Variants in AP3S1 observed in about 807,000 individuals in gnomAD.
AP3S1 encodes the protein adaptor related protein complex 3 subunit sigma 1.
AP3S1 carries 12 observed loss-of-function variants against 21.3 expected under a neutral mutation model. The ratio of observed to expected loss-of-function variants is 0.56; its 90% CI spans 0.36 to 0.91. The LOEUF is 0.91. AP3S1 is among the 40% of genes least tolerant of loss of function. The pLI is 0.01. For synonymous variants in AP3S1, 48 were observed against 78.4 expected, an observed-to-expected ratio of 0.61 and a Z score of 2.05; for missense variants, 116 against 225.0, an observed-to-expected ratio of 0.52 and a Z score of 3.10.
At chr5:115,844,602 T>C (rs1326899094) in intron 1 of AP3S1, among the ~76,000 whole-genome samples, 1 of 152,194 alleles carries the variant, frequency 6.6e-6, no homozygotes, top group Non-Finnish European at 1.5e-5. Context: ...AGGAGCAGAC[T>C]GTGTAAGGGA....
intron 3 of AP3S1, among the ~76,000 whole-genome samples, chr5:115,885,933 G>GT (rs1308237026): frequency 1.3e-5 from 2 of 152,134 alleles, no homozygotes; most frequent in South Asian, 2.1e-4. Context: ...TGTGGGTGCT[G>GT]TAAGTATGGA....
intron 3 of AP3S1, among the ~76,000 whole-genome samples, chr5:115,871,220 C>G (rs1452959357): frequency 6.6e-6 from 1 of 152,224 alleles, no homozygotes; most frequent in African/African-American, 2.4e-5. Context: ...CAAAGACAGT[C>G]AATGCCTCTG....
chr5:115,908,101 A>G (rs571131087), intron 5 of AP3S1, among the ~76,000 whole-genome samples: 23 of 152,264 alleles, frequency 1.5e-4, no homozygotes, highest in African/African-American at 5.3e-4. Context: ...GTAGCAACAT[A>G]CAGGTGGCTT....
intron 3 of AP3S1, among the ~76,000 whole-genome samples, chr5:115,884,371 C>G (rs979959995): frequency 1.3e-5 from 2 of 152,236 alleles, no homozygotes; most frequent in Non-Finnish European, 2.9e-5. Flanking sequence ...TGAGACCAGC[C>G]TGGCCAACAT....
In AP3S1 at chr5:115,842,126, T is replaced by A. The variant is rs935726762; in HGVS notation, c.69+20T>A. The A allele has an allele frequency of 9.4e-6, 14 of 1,489,756 alleles. No individual in the cohort carries two copies. The highest frequency in any genetic ancestry group is 1.3e-5 in the Non-Finnish European group (14 of 1,116,076). 92.3% of individuals were successfully genotyped at this position (1,489,756 alleles called of 1,614,324 possible). A position where few individuals can be genotyped will look rare whatever the true frequency, so the allele number is the denominator to read the frequency against. ...CCCTACGTGAGTATCCAGCCGCCGC[T>A]GATCCGGGCGAGGGGGAGTCGTTGG... On this transcript the variant is annotated intron_variant, in intron 1 of 5. Coordinates refer to ENST00000316788, the MANE Select transcript of AP3S1 (RefSeq NM_001284.4).
intron 4 of AP3S1, 89 bp from the exon 5 acceptor site, chr5:115,902,796 A>G: frequency 2.2e-6 from 2 of 889,734 alleles, no homozygotes; most frequent in Non-Finnish European, 1.7e-6. Context: ...TTTAACATAG[A>G]CAAAGTGGTA....
chr5:115,871,504 A>G (rs923561503), intron 3 of AP3S1, among the ~76,000 whole-genome samples: 25 of 152,134 alleles, frequency 1.6e-4, no homozygotes, highest in African/African-American at 5.8e-4. Context: ...TCAATTTCAC[A>G]GTTTTGAAGT....
At chr5:115,876,090 A>C (rs182708408) in intron 3 of AP3S1, among the ~76,000 whole-genome samples, 1 of 152,116 alleles carries the variant, frequency 6.6e-6, no homozygotes, top group Non-Finnish European at 1.5e-5. Context: ...GGTAGTATGG[A>C]TTTGAATCTT....
chr5:115,892,349 C>G, intron 3 of AP3S1, among the ~76,000 whole-genome samples: 1 of 152,190 alleles, frequency 6.6e-6, no homozygotes, highest in East Asian at 1.9e-4. Flanking sequence ...AAAGAGATAT[C>G]TGCACTCCCA....
intron 5 of AP3S1, among the ~76,000 whole-genome samples, chr5:115,913,002 A>G (rs1483134276): frequency 1.3e-5 from 2 of 152,162 alleles, no homozygotes; most frequent in Non-Finnish European, 2.9e-5. Context: ...TCGTTGCAAG[A>G]GATATTTAAT....
chr5:115,847,373 G>A (rs998616000), intron 1 of AP3S1, among the ~76,000 whole-genome samples: 2 of 152,156 alleles, frequency 1.3e-5, no homozygotes, highest in Non-Finnish European at 2.9e-5. Flanking sequence ...ATCCCAGCAC[G>A]TTGGGAGGCC....
chr5:115,862,690 A>T (rs1320393582), intron 1 of AP3S1, among the ~76,000 whole-genome samples: 1 of 152,174 alleles, frequency 6.6e-6, no homozygotes, highest in Non-Finnish European at 1.5e-5. Context: ...CTGGTGAGCA[A>T]TTTGTCTCTC....
chr5:115,891,371 G>A (rs971315627), intron 3 of AP3S1, among the ~76,000 whole-genome samples: 2 of 152,034 alleles, frequency 1.3e-5, no homozygotes, highest in Non-Finnish European at 2.9e-5. Context: ...GTATCTACGT[G>A]GGGATAGTAT....
At chr5:115,878,977 C>T (rs1749021685) in intron 3 of AP3S1, among the ~76,000 whole-genome samples, 1 of 152,106 alleles carries the variant, frequency 6.6e-6, no homozygotes, top group Non-Finnish European at 1.5e-5. Flanking sequence ...TGGGAGTTCA[C>T]TCCTAATTTG....
intron 2 of AP3S1, among the ~76,000 whole-genome samples, chr5:115,867,560 C>T (rs1747803995): frequency 6.6e-6 from 1 of 152,082 alleles, no homozygotes; most frequent in Admixed American, 6.5e-5. Flanking sequence ...AATCCATGGT[C>T]ATAAGGTACT....
In AP3S1 at chr5:115,895,099, A is replaced by G; in HGVS notation, c.286A>G (p.Thr96Ala). The G allele has an allele frequency of 3.1e-6, 5 of 1,602,890 alleles. No individual in the cohort carries two copies. Among genetic ancestry groups the G allele is most frequent in the Non-Finnish European group, 4.3e-6 (5 of 1,174,618 alleles). The change falls in exon 4 of 6, where the codon ACA becomes GCA. Residue 96 changes from threonine to alanine, a missense_variant. Thr to Ala is a moderately conservative substitution (Grantham distance 58, BLOSUM62 0). Around this residue, in one of 3 missense-constraint regions of AP3S1, gnomAD observed 65 missense variants for 148.2 expected, o/e 0.44. Coordinates refer to ENST00000316788, the MANE Select transcript of AP3S1 (RefSeq NM_001284.4). ...TCTTTTTCCATAGGTATTTGTGGAA[A>G]CATTAGACAAATGTTTTGAAAATGT... ...ILDLIQVFVE[T>A]LDKCFENVCE...
At chr5:115,848,808 C>CT (rs1044724791) in intron 1 of AP3S1, among the ~76,000 whole-genome samples, 1 of 152,198 alleles carries the variant, frequency 6.6e-6, no homozygotes, top group African/African-American at 2.4e-5. Context: ...ACCCATCTGC[C>CT]TTTTCAGCTT....
intron 4 of AP3S1, among the ~76,000 whole-genome samples, chr5:115,900,145 G>A (rs1210034749): frequency 6.6e-6 from 1 of 151,890 alleles, no homozygotes; most frequent in Admixed American, 6.6e-5. Flanking sequence ...AGACAAAGAT[G>A]GGCTTAAATA....
rs1405942183 is a variant in AP3S1, at chr5:115,914,052, G to A, written c.*562G>A. ...TTTTACAACCCTCTGACTCAACAAAGTAAATAAAAGTATATTTTATCACTA... is the reference window on the plus strand; with the variant it reads ...TTTTACAACCCTCTGACTCAACAAAATAAATAAAAGTATATTTTATCACTA... On this transcript the variant is annotated 3_prime_UTR_variant, in exon 6 of 6. Coordinates refer to ENST00000316788, the MANE Select transcript of AP3S1 (RefSeq NM_001284.4). The A allele has an allele frequency of 1.6e-5, 2 of 122,544 alleles. No individual in the cohort carries two copies. The highest frequency in any genetic ancestry group is 1.6e-4 in the Admixed American group (2 of 12,674). 7.6% of individuals were successfully genotyped at this position (122,544 alleles called of 1,614,324 possible). A position where few individuals can be genotyped will look rare whatever the true frequency, so the allele number is the denominator to read the frequency against.
Sources: allele counts gnomAD v4.1 joint callset (sites outside exome capture counted in the v4.1 genomes callset), GRCh38; gene constraint gnomAD v4.1.1; regional missense constraint gnomAD v4.1.1; transcripts MANE v1.5; gene names NCBI Gene and HGNC (gene_info 2026-07-23, HGNC 2026-07-21).